Variants in TMCO6 observed in about 807,000 individuals in gnomAD.
TMCO6 encodes the protein transmembrane and coiled-coil domain-containing protein 6.
In TMCO6, 47 loss-of-function variants were observed where a neutral mutation model predicts 61.8. The observed-to-expected ratio is 0.76, with a 90% CI of 0.60 to 0.97. The LOEUF is 0.97. Ranked by LOEUF, TMCO6 falls within the 50% of genes least tolerant of loss-of-function variation. The pLI, the probability that TMCO6 is intolerant of heterozygous loss-of-function variation, is 0.00. For synonymous variants in TMCO6, 261 were observed against 254.2 expected, an observed-to-expected ratio of 1.03 and a Z score of -0.25; for missense variants, 557 against 601.6, an observed-to-expected ratio of 0.93 and a Z score of 0.78.
chr5:140,645,275 A>G lies in TMCO6; in HGVS notation c.*177A>G, dbSNP rs1757329535. On this transcript the variant is annotated 3_prime_UTR_variant, in exon 12 of 12. Coordinates refer to ENST00000394671, the MANE Select transcript of TMCO6 (RefSeq NM_018502.5). ...CACTCAGCACTATCCAGGCAGGAGG[A>G]CCAAAAGGGACTCAGTGTGGTCTAC... 1.4e-6 allele frequency: 1 copy of G among 717,180 alleles called. No individual in the cohort carries two copies. 44.4% of individuals were successfully genotyped at this position (717,180 alleles called of 1,614,324 possible).
At chr5:140,644,325 C>T (rs1445393615) in intron 10 of TMCO6, 131 bp downstream of exon 10, 18 of 1,055,572 alleles carry the variant, frequency 1.7e-5, no homozygotes, top group African/African-American at 7.8e-5. Context: ...CCCAACCAAT[C>T]TAGGTGTGTG....
chr5:140,647,444 C>T, downstream of TMCO6: 1 of 1,607,028 alleles, frequency 6.2e-7, no homozygotes. Context: ...GTGACCCTGG[C>T]GTCCCGAAGC....
At chr5:140,647,600 G>A (rs372239752), downstream of TMCO6, 8 of 1,607,582 alleles carry the variant, frequency 5.0e-6, no homozygotes, top group South Asian at 2.2e-5. Context: ...TAATATCGAA[G>A]TCGCCAATTC....
intron 7 of TMCO6, chr5:140,643,324 G>A (rs918540455): frequency 1.4e-5 from 8 of 583,742 alleles, no homozygotes; most frequent in Non-Finnish European, 2.4e-5. Flanking sequence ...AGCCTCCTGA[G>A]TAGCTGAGAC....
chr5:140,635,882 C>T (rs1345654001), upstream of TMCO6, among the ~76,000 whole-genome samples: 1 of 152,194 alleles, frequency 6.6e-6, no homozygotes, highest in African/African-American at 2.4e-5. Flanking sequence ...CAGGTAGATA[C>T]AGAAAGGCAA....
intron 2 of TMCO6, 91 bp downstream of exon 2, chr5:140,639,942 A>G: frequency 9.2e-7 from 1 of 1,082,724 alleles, no homozygotes; most frequent in Non-Finnish European, 1.4e-6. Flanking sequence ...CCTGAACGCA[A>G]TCCACTCTAC....
the TMCO6 span, among the ~76,000 whole-genome samples, chr5:140,604,780 C>CT: frequency 0.091 from 11,392 of 124,632 alleles, 487 homozygotes; most frequent in Middle Eastern, 0.16. Flanking sequence ...TGTCATTTCT[C>CT]TTTTTTTTTT....
the TMCO6 span, chr5:140,632,549 G>T: frequency 8.1e-6 from 13 of 1,614,030 alleles, no homozygotes; most frequent in Non-Finnish European, 1.1e-5. This position sits in a 1 kb window ranked among gnomAD's most constrained non-coding sequence, Gnocchi z 6.2. Context: ...GGCGCAAGCT[G>T]GAAAGTGCAA....
the TMCO6 span, among the ~76,000 whole-genome samples, chr5:140,613,994 G>A: frequency 6.6e-6 from 1 of 151,908 alleles, no homozygotes; most frequent in African/African-American, 2.4e-5. Context: ...CGCCTCCCCG[G>A]TTCATGCCAT....
chr5:140,625,760 T>C, the TMCO6 span, among the ~76,000 whole-genome samples: 1 of 152,174 alleles, frequency 6.6e-6, no homozygotes, highest in Non-Finnish European at 1.5e-5. Flanking sequence ...TAAATAATTG[T>C]TAAATGGATG....
the TMCO6 span, among the ~76,000 whole-genome samples, chr5:140,626,095 C>T: frequency 1.3e-5 from 2 of 152,138 alleles, no homozygotes; most frequent in Non-Finnish European, 2.9e-5. Context: ...GCTACGGTTT[C>T]CACAGGCATT....
the TMCO6 span, among the ~76,000 whole-genome samples, chr5:140,626,398 T>C: frequency 7.2e-5 from 11 of 152,232 alleles, no homozygotes; most frequent in South Asian, 2.3e-3. Context: ...TTACCCTTTA[T>C]ATATTTTTTC....
the TMCO6 span, among the ~76,000 whole-genome samples, chr5:140,630,422 A>G: frequency 1.3e-5 from 2 of 152,110 alleles, no homozygotes; most frequent in Admixed American, 1.3e-4. Context: ...ACAGAAATTT[A>G]TATATATTCT....
chr5:140,610,447 C>T, the TMCO6 span, among the ~76,000 whole-genome samples: 119 of 152,284 alleles, frequency 7.8e-4, no homozygotes, highest in African/African-American at 2.7e-3. Context: ...ACTTCTCCCG[C>T]CTCAGCCAAC....
intron 2 of TMCO6, among the ~76,000 whole-genome samples, chr5:140,640,058 C>T (rs151121619): frequency 2.0e-5 from 3 of 152,322 alleles, no homozygotes; most frequent in African/African-American, 7.2e-5. Flanking sequence ...AGTTGTTTAC[C>T]TCCTGAAGAG....
chr5:140,631,990 G>A, the TMCO6 span: 1 of 1,614,066 alleles, frequency 6.2e-7, no homozygotes, highest in Non-Finnish European at 8.5e-7. Flanking sequence ...CCAGGGACCA[G>A]GAAGGGATTC....
chr5:140,604,029 A>G, the TMCO6 span, among the ~76,000 whole-genome samples: 1 of 152,206 alleles, frequency 6.6e-6, no homozygotes, highest in African/African-American at 2.4e-5. Flanking sequence ...ATTTATCATT[A>G]TAGCAGTATG....
downstream of TMCO6, chr5:140,647,590 T>C (rs748517973): frequency 1.2e-6 from 2 of 1,609,100 alleles, no homozygotes; most frequent in East Asian, 2.2e-5. Context: ...CCATCCTTGT[T>C]AATATCGAAG....
the TMCO6 span, among the ~76,000 whole-genome samples, chr5:140,621,322 T>C: frequency 7.9e-5 from 12 of 152,334 alleles, 1 homozygote; most frequent in South Asian, 2.5e-3. Context: ...GAAGATTTCG[T>C]GGACATTTAT....
Sources: allele counts gnomAD v4.1 joint callset (sites outside exome capture counted in the v4.1 genomes callset), GRCh38; gene constraint gnomAD v4.1.1; non-coding constraint Gnocchi (gnomAD v3.1); transcripts MANE v1.5; gene names NCBI Gene and HGNC (gene_info 2026-07-23, HGNC 2026-07-21).